TBC1D5: variants seen among roughly 807,000 people sequenced by gnomAD.
The protein encoded by TBC1D5 is TBC1 domain family member 5, also known as TBC1 domain family, member 5.
A neutral mutation model predicts 100.3 loss-of-function variants in TBC1D5; 75 were observed. The ratio of observed to expected loss-of-function variants is 0.75; its 90% CI spans 0.62 to 0.91. TBC1D5 has a LOEUF of 0.91. Among genes scored for constraint, TBC1D5 ranks in the 40% least tolerant of loss-of-function variants. The pLI, the probability that TBC1D5 is intolerant of heterozygous loss-of-function variation, is 0.00. For missense variants in TBC1D5, 910 were observed against 942.4 expected (o/e 0.97, Z 0.45); for synonymous variants, 323 against 325.6 (o/e 0.99, Z 0.09).
intron 3 of TBC1D5, among the ~76,000 whole-genome samples, chr3:17,437,505 T>C (rs1221148397): frequency 6.6e-6 from 1 of 151,824 alleles, no homozygotes; most frequent in Non-Finnish European, 1.5e-5. Flanking sequence ...GAGGGGGTGG[T>C]ACCAGATCAT....
At chr3:17,724,928 C>T (rs749806822) in intron 1 of TBC1D5, among the ~76,000 whole-genome samples, 1 of 152,130 alleles carries the variant, frequency 6.6e-6, no homozygotes, top group Admixed American at 6.6e-5. Context: ...CTGTTAACTA[C>T]ACCCAACTTT....
chr3:17,417,718 G>C, intron 4 of TBC1D5, among the ~76,000 whole-genome samples: 1 of 151,984 alleles, frequency 6.6e-6, no homozygotes, highest in Non-Finnish European at 1.5e-5. Flanking sequence ...GTAATGGGAT[G>C]GCTGGGTCAA....
intron 15 of TBC1D5, among the ~76,000 whole-genome samples, chr3:17,288,468 G>A (rs535998912): frequency 6.6e-6 from 1 of 152,216 alleles, no homozygotes; most frequent in Admixed American, 6.5e-5. Flanking sequence ...TGTTTGCCAT[G>A]CTTTTCTGAT....
At chr3:17,383,723 T>C (rs2093040869) in intron 9 of TBC1D5, among the ~76,000 whole-genome samples, 190 bp downstream of exon 9, 1 of 151,678 alleles carries the variant, frequency 6.6e-6, no homozygotes, top group South Asian at 2.1e-4. Flanking sequence ...TGTCTTATAA[T>C]GAGGAAGAAG....
At chr3:17,738,824 T>C (rs1425578835) in intron 1 of TBC1D5, among the ~76,000 whole-genome samples, 1 of 152,210 alleles carries the variant, frequency 6.6e-6, no homozygotes, top group Admixed American at 6.5e-5. Flanking sequence ...CTGATGATAA[T>C]CTCTGAGCCT....
chr3:17,187,912 A>G (rs1039186324), intron 18 of TBC1D5, among the ~76,000 whole-genome samples: 9 of 152,214 alleles, frequency 5.9e-5, no homozygotes, highest in African/African-American at 2.2e-4. Flanking sequence ...TTTAAATTGG[A>G]TTAGCCACCA....
intron 15 of TBC1D5, 111 bp downstream of exon 15, chr3:17,291,784 C>CA (rs2081769860): frequency 1.1e-6 from 1 of 948,592 alleles, no homozygotes; most frequent in Admixed American, 2.7e-5. Context: ...TACCATTAGG[C>CA]AATTCATCTA....
intron 8 of TBC1D5, among the ~76,000 whole-genome samples, chr3:17,391,432 C>T (rs1329346041): frequency 1.3e-5 from 2 of 152,060 alleles, no homozygotes; most frequent in Admixed American, 6.6e-5. Flanking sequence ...AGCTATACTG[C>T]TCCCAAACTC....
intron 15 of TBC1D5, among the ~76,000 whole-genome samples, chr3:17,280,975 C>T (rs140707122): frequency 1.3e-5 from 2 of 152,334 alleles, no homozygotes; most frequent in Non-Finnish European, 2.9e-5. Context: ...CCCAAAAGCA[C>T]TCACCCCGGC....
chr3:17,599,328 G>T (rs1346694204), intron 2 of TBC1D5, among the ~76,000 whole-genome samples: 1 of 152,114 alleles, frequency 6.6e-6, no homozygotes, highest in East Asian at 1.9e-4. Flanking sequence ...ACTGACACAA[G>T]AGCAGAGAGG....
intron 3 of TBC1D5, among the ~76,000 whole-genome samples, chr3:17,481,860 C>A (rs1559984580): frequency 1.3e-5 from 2 of 152,228 alleles, no homozygotes; most frequent in Non-Finnish European, 2.9e-5. Context: ...CCTGCCTCAG[C>A]CTCCCAAGTA....
chr3:17,401,381 ATATG>A (rs1249888148), intron 8 of TBC1D5, among the ~76,000 whole-genome samples: 17 of 41,614 alleles, frequency 4.1e-4, no homozygotes, highest in African/African-American at 2.3e-3. Flanking sequence ...ATACATATGT[ATATG>A]TATATGTATA....
chr3:17,601,618 T>C (rs1230005030), intron 2 of TBC1D5, among the ~76,000 whole-genome samples: 1 of 152,210 alleles, frequency 6.6e-6, no homozygotes, highest in Non-Finnish European at 1.5e-5. Flanking sequence ...CCATGATACC[T>C]GGGGTTGGGA....
At chr3:17,277,552 C>A (rs1300298791) in intron 15 of TBC1D5, among the ~76,000 whole-genome samples, 1 of 152,104 alleles carries the variant, frequency 6.6e-6, no homozygotes, top group African/African-American at 2.4e-5. Flanking sequence ...ACTCGGTATT[C>A]CAACCATGAA....
chr3:17,732,808 T>C (rs1326298678), intron 1 of TBC1D5, among the ~76,000 whole-genome samples: 1 of 152,156 alleles, frequency 6.6e-6, no homozygotes, highest in Non-Finnish European at 1.5e-5. Flanking sequence ...TGTCTCTCCT[T>C]TCATTAATTC....
intron 1 of TBC1D5, among the ~76,000 whole-genome samples, chr3:17,653,720 G>T (rs2065801238): frequency 6.6e-6 from 1 of 152,026 alleles, no homozygotes; most frequent in African/African-American, 2.4e-5. Flanking sequence ...TCTTAGTTTT[G>T]AAAATTAAAC....
At chr3:17,493,560 C>G (rs2095665311) in intron 3 of TBC1D5, among the ~76,000 whole-genome samples, 1 of 152,094 alleles carries the variant, frequency 6.6e-6, no homozygotes, top group Admixed American at 6.6e-5. Context: ...TTCAGGTACC[C>G]CAGTCAGTTG....
intron 21 of TBC1D5, among the ~76,000 whole-genome samples, chr3:17,164,591 A>G (rs949999281): frequency 6.6e-6 from 1 of 152,172 alleles, no homozygotes; most frequent in Non-Finnish European, 1.5e-5. Flanking sequence ...CTCTTGGCGC[A>G]TGTTCCTGGG....
At chr3:17,406,572 C>T (rs769086597) in intron 4 of TBC1D5, 46 bp from the exon 5 acceptor site, 24 of 1,550,164 alleles carry the variant, frequency 1.5e-5, no homozygotes, top group Non-Finnish European at 2.0e-5. Context: ...GTTAAAATTC[C>T]TCTGCTTGGA....
Sources: allele counts gnomAD v4.1 joint callset (sites outside exome capture counted in the v4.1 genomes callset), GRCh38; gene constraint gnomAD v4.1.1; transcripts MANE v1.5; gene names NCBI Gene and HGNC (gene_info 2026-07-23, HGNC 2026-07-21).